Variants in HMCN2 observed in about 807,000 individuals in gnomAD.
HMCN2 encodes the protein hemicentin-2.
A neutral mutation model predicts 377.5 loss-of-function variants in HMCN2; 325 were observed. That is an observed-to-expected ratio of 0.86 (90% CI 0.79 to 0.94). The LOEUF (loss-of-function observed/expected upper bound fraction) is 0.94. HMCN2 is among the 40% of genes least tolerant of loss of function. The pLI, the probability that HMCN2 is intolerant of heterozygous loss-of-function variation, is 0.00. For missense variants in HMCN2, 4,543 were observed against 4,725.3 expected, an observed-to-expected ratio of 0.96 and a Z score of 1.13; for synonymous variants, 2,007 against 2,046.8, an observed-to-expected ratio of 0.98 and a Z score of 0.53.
At chr9:130,353,308 T>A (rs1588292247) in intron 31 of HMCN2, 103 bp downstream of exon 31, 1 of 1,043,512 alleles carries the variant, frequency 9.6e-7, no homozygotes, top group Non-Finnish European at 1.3e-6. Flanking sequence ...CCACTTGGAG[T>A]GGTCAGAGGC....
At chr9:130,334,821 C>G (rs1838653393) in intron 22 of HMCN2, among the ~76,000 whole-genome samples, 1 of 149,482 alleles carries the variant, frequency 6.7e-6, no homozygotes. Context: ...TCTCTCCTCT[C>G]TCTCTCTCTC....
chr9:130,384,805 C>G lies in HMCN2; in HGVS notation c.9106+7C>G, dbSNP rs1348179403. ...GTGCAGCTCAGTGTTCTGGGTATGTCCATGTCTGTCCCCAACTTGTACTGT... is the reference window on the plus strand; with the variant it reads ...GTGCAGCTCAGTGTTCTGGGTATGTGCATGTCTGTCCCCAACTTGTACTGT... On this transcript the variant is annotated splice_region_variant and intron_variant, in intron 59 of 97. Coordinates refer to ENST00000683500, the MANE Select transcript of HMCN2 (RefSeq NM_001291815.2). The G allele has an allele frequency of 7.7e-7, 1 of 1,297,984 alleles. No homozygotes were observed. Among genetic ancestry groups the G allele is most frequent in the Non-Finnish European group, 1.0e-6 (1 of 984,230 alleles). 80.4% of individuals were successfully genotyped at this position (1,297,984 alleles called of 1,614,324 possible). A position where few individuals can be genotyped will look rare whatever the true frequency, so the allele number is the denominator to read the frequency against.
intron 35 of HMCN2, 85 bp downstream of exon 35, chr9:130,358,073 A>T: frequency 8.7e-7 from 1 of 1,149,344 alleles, no homozygotes; most frequent in Non-Finnish European, 1.1e-6. Flanking sequence ...ACTCTGAGCA[A>T]ATCCCAGCAG....
intron 1 of HMCN2, among the ~76,000 whole-genome samples, chr9:130,273,924 A>C (rs1554922086): frequency 2.0e-5 from 3 of 152,286 alleles, no homozygotes; most frequent in African/African-American, 4.8e-5. Context: ...AACTCAAAAA[A>C]CAAGAAAAAG....
intron 77 of HMCN2, among the ~76,000 whole-genome samples, chr9:130,402,474 G>A (rs1564859344): frequency 1.3e-5 from 2 of 152,338 alleles, no homozygotes; most frequent in South Asian, 4.1e-4. Context: ...GGGATTACAG[G>A]CAGGGGAGTG....
intron 34 of HMCN2, among the ~76,000 whole-genome samples, 183 bp from the exon 35 acceptor site, chr9:130,357,651 A>T (rs1046385226): frequency 1.3e-5 from 2 of 152,112 alleles, no homozygotes; most frequent in Non-Finnish European, 2.9e-5. Context: ...GCTGGCTCCC[A>T]GTCTAGAGCT....
chr9:130,371,763 T>A (rs566457371), intron 46 of HMCN2, among the ~76,000 whole-genome samples: 1 of 152,328 alleles, frequency 6.6e-6, no homozygotes, highest in South Asian at 2.1e-4. Context: ...GAGACTGCAT[T>A]GGGCCCAGTG....
intron 19 of HMCN2, among the ~76,000 whole-genome samples, chr9:130,323,293 G>A (rs958803706): frequency 6.7e-4 from 102 of 152,254 alleles, no homozygotes; most frequent in East Asian, 4.8e-3. Flanking sequence ...AAGTGCTAGC[G>A]TGAGAGCCCC....
intron 40 of HMCN2, among the ~76,000 whole-genome samples, chr9:130,363,931 AAG>A (rs768686225): frequency 4.6e-5 from 5 of 107,624 alleles, no homozygotes; most frequent in Non-Finnish European, 6.6e-5. Context: ...GGAAAAAGAG[AAG>A]GAAGGAAGGA....
intron 23 of HMCN2, among the ~76,000 whole-genome samples, chr9:130,339,447 G>T (rs1463519935): frequency 6.6e-6 from 1 of 152,168 alleles, no homozygotes; most frequent in African/African-American, 2.4e-5. Context: ...GGGGCTCCAG[G>T]GTTCCCATGG....
intron 15 of HMCN2, among the ~76,000 whole-genome samples, chr9:130,316,411 G>A (rs1056787358): frequency 0.015 from 2,301 of 151,972 alleles, 39 homozygotes; most frequent in Middle Eastern, 0.048. Context: ...CAGATGTGTG[G>A]GTGGGGGAGG....
chr9:130,429,922 C>T, intron 94 of HMCN2: 1 of 733,850 alleles, frequency 1.4e-6, no homozygotes, highest in Non-Finnish European at 2.1e-6. Context: ...TCAGCCTGAC[C>T]CTGTGGGGTC....
In HMCN2 at chr9:130,306,284, G is replaced by A. The variant is rs1554936727; in HGVS notation, c.1958+14G>A. On this transcript the variant is annotated intron_variant, in intron 12 of 97. Coordinates refer to ENST00000683500, the MANE Select transcript of HMCN2 (RefSeq NM_001291815.2). ...AGAGGACAGCAGGTGAGGGGCCCAG[G>A]ACACAAATCTCAGGGACTCACAGCA... is the stretch of plus-strand genomic sequence containing the variant. 1.1e-5 allele frequency: 5 copies of A among 470,524 alleles called. No homozygotes were observed. Among genetic ancestry groups the A allele is most frequent in the Non-Finnish European group, 2.2e-5 (5 of 226,702 alleles). 29.1% of individuals were successfully genotyped at this position (470,524 alleles called of 1,614,324 possible). A position where few individuals can be genotyped will look rare whatever the true frequency, so the allele number is the denominator to read the frequency against.
chr9:130,361,042 T>C lies in HMCN2; in HGVS notation c.5950+438T>C, dbSNP rs1314273179. ...TATCCATCCATCCATCTACTACCCA[T>C]CTACCCATTCACCATCCATTCAGTC... On this transcript the variant is annotated intron_variant, in intron 38 of 97. Transcript: ENST00000683500. This position sits in a 1 kb window ranked among gnomAD's most constrained non-coding sequence, Gnocchi z 4.8. Among the ~76,000 whole-genome samples the C allele has an allele frequency of 6.6e-6, 1 of 151,786 alleles. No homozygotes were observed. Among genetic ancestry groups the C allele is most frequent in the African/African-American group, 2.4e-5 (1 of 41,386 alleles).
rs1377722154 is a variant in HMCN2, at chr9:130,395,213, C to A, written c.10777C>A (p.Pro3593Thr). The change falls in exon 71 of 98, where the codon CCT (proline) becomes ACT (threonine). Residue 3593 changes from proline to threonine, a missense_variant and splice_region_variant. By Grantham distance (38) the Pro-to-Thr change is conservative. Around this residue, in one of 5 missense-constraint regions of HMCN2, gnomAD observed 1,073 missense variants for 1,319.5 expected, o/e 0.81. Coordinates refer to ENST00000683500, the MANE Select transcript of HMCN2 (RefSeq NM_001291815.2). The part of the protein sequence containing the change: ...EKSFRVRVQA[P>T]PNIVGPRGPR... ...CTCTTGTGCCACCCCCTTCCCAGCC[C>A]CTCCAAACATTGTTGGGCCCCGAGG... 6 of 1,288,178 alleles carry A rather than the reference C, an allele frequency of 4.7e-6. No individual in the cohort carries two copies. The highest frequency in any genetic ancestry group is 6.1e-6 in the Non-Finnish European group (6 of 988,068). 79.8% of individuals were successfully genotyped at this position (1,288,178 alleles called of 1,614,324 possible). A position where few individuals can be genotyped will look rare whatever the true frequency, so the allele number is the denominator to read the frequency against.
chr9:130,402,196 G>A (rs959786711), intron 77 of HMCN2, among the ~76,000 whole-genome samples: 1 of 152,244 alleles, frequency 6.6e-6, no homozygotes, highest in Admixed American at 6.5e-5. Flanking sequence ...AGGGGCTGTG[G>A]GTGGGCCAGA....
intron 85 of HMCN2, among the ~76,000 whole-genome samples, chr9:130,415,577 G>A (rs1401038876): frequency 3.3e-5 from 5 of 152,242 alleles, no homozygotes; most frequent in Non-Finnish European, 7.3e-5. Context: ...GCTTCTGTGA[G>A]CAGTTGTCAA....
rs554519750 is a variant in HMCN2 at position 130,298,498 on chromosome 9, T to C, written c.1013-527T>C. ...GTGATTGCACTACTGCACTCCAGCC[T>C]GGATGACAGAAAATTTAAAAAGACA... On this transcript the variant is annotated intron_variant, in intron 7 of 97. Coordinates refer to ENST00000683500, the MANE Select transcript of HMCN2 (RefSeq NM_001291815.2). Among the ~76,000 whole-genome samples, 4 of 152,330 alleles carry C rather than the reference T, an allele frequency of 2.6e-5. No individual in the cohort carries two copies. The East Asian group carries it at 7.7e-4, about 29-fold the overall frequency.
chr9:130,422,849 T>TGGTCA lies in HMCN2; in HGVS notation c.13381+124_13381+125insGTCAG. The TGGTCA allele has an allele frequency of 1.3e-6, 1 of 778,514 alleles. No homozygotes were observed. The highest frequency in any genetic ancestry group is 1.7e-6 in the Non-Finnish European group (1 of 571,546). 48.2% of individuals were successfully genotyped at this position (778,514 alleles called of 1,614,324 possible). A position where few individuals can be genotyped will look rare whatever the true frequency, so the allele number is the denominator to read the frequency against. The stretch of plus-strand genomic sequence containing the variant: ...GCCCCGAGACTTGCTCAAGGCCTGA[T>TGGTCA]GACCAGAGCACGTCTGACCATCTCT... On this transcript the variant is annotated intron_variant, in intron 87 of 97. Coordinates refer to ENST00000683500, the MANE Select transcript of HMCN2 (RefSeq NM_001291815.2). This position sits in a 1 kb window ranked among gnomAD's most constrained non-coding sequence, Gnocchi z 4.2.
Sources: allele counts gnomAD v4.1 joint callset (sites outside exome capture counted in the v4.1 genomes callset), GRCh38; gene constraint gnomAD v4.1.1; regional missense constraint gnomAD v4.1.1; non-coding constraint Gnocchi (gnomAD v3.1); transcripts MANE v1.5; gene names NCBI Gene and HGNC (gene_info 2026-07-23, HGNC 2026-07-21).